Variants in FBXO15 observed in about 807,000 individuals in gnomAD.
The protein encoded by FBXO15 is F-box only protein 15.
Under a neutral mutation model 49.5 loss-of-function variants are expected in FBXO15, and 30 were observed. The observed-to-expected ratio is 0.61, with a 90% CI of 0.45 to 0.82. The LOEUF (loss-of-function observed/expected upper bound fraction) is 0.82. Ranked by LOEUF, FBXO15 falls within the 40% of genes least tolerant of loss-of-function variation. The probability of loss-of-function intolerance (pLI) is 0.00; values close to 1 mark genes in which losing one functional copy is unlikely to be tolerated. For missense variants in FBXO15, 591 were observed against 631.5 expected, an observed-to-expected ratio of 0.94 and a Z score of 0.69; for synonymous variants, 250 against 232.7, an observed-to-expected ratio of 1.07 and a Z score of -0.68.
At chr18:74,140,176 AG>A in intron 2 of FBXO15, 25 bp downstream of exon 2, 1 of 1,540,274 alleles carries the variant, frequency 6.5e-7, no homozygotes, top group Middle Eastern at 1.7e-4. Flanking sequence ...GGCCCCCAAA[AG>A]TGACAGTCTA....
At chr18:74,135,053 G>A (rs781735023) in intron 3 of FBXO15, among the ~76,000 whole-genome samples, 13 of 152,148 alleles carry the variant, frequency 8.5e-5, no homozygotes, top group African/African-American at 2.9e-4. Flanking sequence ...AATCCTCACT[G>A]AAAGGAGGAT....
rs1469997987 is a variant in FBXO15 at position 74,073,655 on chromosome 18, G to C, written c.1339C>G (p.Leu447Val). The C allele has an allele frequency of 6.2e-7, 1 of 1,614,126 alleles. No homozygotes were observed. The highest frequency in any genetic ancestry group is 1.1e-5 in the South Asian group (1 of 91,080). ...TCAGAGGGTGTGGCAGGCGATCTCA[G>C]GCACACCGGGGAACTGAAACACCAA... ...PFWCFSSPVC[L>V]RSPATPSDSS... Residue 447 changes from leucine to valine, a missense_variant, in exon 10 of 10, where the codon CTG becomes GTG. Transcript: ENST00000419743.
rs558530221 is a variant in FBXO15, at chr18:74,091,207, T to C, written c.1139-9156A>G. On this transcript the variant is annotated intron_variant, in intron 8 of 9. Transcript: ENST00000419743. ...AAGTCTGTTTCGTCTGAAGTTGGAA[T>C]AGTAACCCCTGCTTTTTTTCTCTTT... 6.6e-5 allele frequency among the ~76,000 whole-genome samples: 10 copies of C among 152,318 alleles called. No individual in the cohort carries two copies. The South Asian group carries it at 1.2e-3, about 19-fold the overall frequency.
At chr18:74,125,001 G>A (rs1363759008) in intron 6 of FBXO15, among the ~76,000 whole-genome samples, 1 of 152,142 alleles carries the variant, frequency 6.6e-6, no homozygotes, top group African/African-American at 2.4e-5. Flanking sequence ...TGGCCAACGT[G>A]GTGGGAATGA....
In FBXO15 at chr18:74,073,525, A is replaced by G. The variant is rs1474777526; in HGVS notation, c.1469T>C (p.Ile490Thr). 6.2e-7 allele frequency: 1 copy of G among 1,614,170 alleles called. No homozygotes were observed. Among genetic ancestry groups the G allele is most frequent in the African/African-American group, 1.3e-5 (1 of 75,032 alleles). ...VWIRETEEYL[I>T]VNLVLYLSIA... ...ACTAAGATAAAGGACCAGGTTGACA[A>G]TAAGGTATTCTTCGGTCTCTCTGAT... Residue 490 changes from isoleucine (I) to threonine (T), a missense_variant, in exon 10 of 10, where the codon ATT (isoleucine) becomes ACT (threonine). Physicochemically the swap from Ile to Thr is moderately conservative, Grantham distance 89. Coordinates refer to ENST00000419743, the MANE Select transcript of FBXO15 (RefSeq NM_001142958.2).
At chr18:74,135,707 C>A in intron 3 of FBXO15, 55 bp downstream of exon 3, 1 of 1,388,278 alleles carries the variant, frequency 7.2e-7, no homozygotes. Context: ...ACTAGTTTTC[C>A]TGACTTCCAT....
At chr18:74,115,547 T>A (rs1403031726) in intron 8 of FBXO15, among the ~76,000 whole-genome samples, 1 of 152,232 alleles carries the variant, frequency 6.6e-6, no homozygotes, top group African/African-American at 2.4e-5. Flanking sequence ...AATACTTCAC[T>A]GGGATTGTTC....
At chr18:74,123,608 A>C in intron 7 of FBXO15, 98 bp from the exon 8 acceptor site, 2 of 1,272,880 alleles carry the variant, frequency 1.6e-6, no homozygotes, top group Non-Finnish European at 2.1e-6. Flanking sequence ...TCTGTATCAA[A>C]GCACTACCTC....
At chr18:74,100,496 C>T (rs1009139648) in intron 8 of FBXO15, among the ~76,000 whole-genome samples, 2 of 151,874 alleles carry the variant, frequency 1.3e-5, no homozygotes, top group Non-Finnish European at 2.9e-5. Flanking sequence ...TAAGGTCATA[C>T]CTCAAGGAAC....
intron 8 of FBXO15, among the ~76,000 whole-genome samples, chr18:74,102,331 A>T (rs939997421): frequency 4.6e-5 from 7 of 152,154 alleles, no homozygotes; most frequent in Admixed American, 4.6e-4. Context: ...AGATATACAA[A>T]TGGCCAACAA....
At position 74,130,283 on chromosome 18, in the gene FBXO15, T is replaced by C. The variant is rs1599180274; in HGVS notation, c.575+133A>G. On this transcript the variant is annotated intron_variant, in intron 4 of 9. Coordinates refer to ENST00000419743, the MANE Select transcript of FBXO15 (RefSeq NM_001142958.2). ...AAGGCTATGCGGAATAGGAAAATGA[T>C]ACATATTTTATAGATGCACAAAACA... 29 of 1,249,836 alleles carry C rather than the reference T, an allele frequency of 2.3e-5. No homozygotes were observed. In the East Asian group the frequency reaches 6.4e-4, roughly 27 times the overall value. The allele number at this position is 1,249,836 out of a possible 1,614,324, so 77.4% of individuals were successfully genotyped here.
At chr18:74,128,431 T>A (rs1308645502) in intron 5 of FBXO15, among the ~76,000 whole-genome samples, 1 of 151,776 alleles carries the variant, frequency 6.6e-6, no homozygotes, top group African/African-American at 2.4e-5. Flanking sequence ...CACAGTATCC[T>A]CCATAGCAAG....
chr18:74,128,798 G>A (rs1013066973), intron 5 of FBXO15, among the ~76,000 whole-genome samples: 4 of 152,274 alleles, frequency 2.6e-5, no homozygotes, highest in African/African-American at 9.6e-5. Flanking sequence ...ATAGTAAAGG[G>A]CTCACTAAGC....
chr18:74,109,511 T>TATA (rs1327578382), intron 8 of FBXO15, among the ~76,000 whole-genome samples: 2 of 152,268 alleles, frequency 1.3e-5, no homozygotes, highest in East Asian at 1.9e-4. Context: ...ATCATGCTAC[T>TATA]ATAAAGACAC....
intron 8 of FBXO15, among the ~76,000 whole-genome samples, chr18:74,110,189 G>A (rs1441949445): frequency 3.9e-5 from 2 of 51,016 alleles, no homozygotes; most frequent in Non-Finnish European, 7.0e-5. Flanking sequence ...ATACACATAT[G>A]TGTGCATATA....
rs372114918 is a variant in FBXO15 at position 74,126,905 on chromosome 18, GAGA to G, written c.786-807_786-805del. Among the ~76,000 whole-genome samples the G allele has an allele frequency of 1.5e-3, 236 of 152,384 alleles. 1 individual carries two copies. Among genetic ancestry groups the G allele is most frequent in the African/African-American group, 5.5e-3 (228 of 41,598 alleles). ...GCTCTTCAAAATAACTTCTTGTGCA[GAGA>G]ACAACAACTGGGTAAGGAGAGACGG... On this transcript the variant is annotated intron_variant, in intron 5 of 9. Transcript: ENST00000419743.
intron 8 of FBXO15, among the ~76,000 whole-genome samples, chr18:74,083,069 GTAA>G (rs1355685468): frequency 3.3e-5 from 5 of 152,324 alleles, no homozygotes; most frequent in Middle Eastern, 6.8e-3. Context: ...TTGTGACCCA[GTAA>G]TATGCTTTAA....
chr18:74,147,811 C>A lies in FBXO15; in HGVS notation c.-26G>T, dbSNP rs921969793. ...AGAGACAAGGAGTTCACCACAGGAC[C>A]GCGCCAGGGCTGAAACGAAGAGTGC... On this transcript the variant is annotated 5_prime_UTR_variant, in exon 1 of 10. Coordinates refer to ENST00000419743, the MANE Select transcript of FBXO15 (RefSeq NM_001142958.2). 2.0e-6 allele frequency: 3 copies of A among 1,493,916 alleles called. No individual in the cohort carries two copies. Among genetic ancestry groups the A allele is most frequent in the East Asian group, 2.7e-5 (1 of 37,578 alleles). 92.5% of individuals were successfully genotyped at this position (1,493,916 alleles called of 1,614,324 possible).
intron 5 of FBXO15, among the ~76,000 whole-genome samples, chr18:74,129,118 A>G (rs761553862): frequency 3.9e-5 from 6 of 152,216 alleles, no homozygotes; most frequent in Non-Finnish European, 8.8e-5. Flanking sequence ...GATGGTTAAA[A>G]TGAAAAACCT....
Sources: allele counts gnomAD v4.1 joint callset (sites outside exome capture counted in the v4.1 genomes callset), GRCh38; gene constraint gnomAD v4.1.1; transcripts MANE v1.5; gene names NCBI Gene and HGNC (gene_info 2026-07-23, HGNC 2026-07-21).